The following LATS2 variants were observed in gnomAD, a reference collection of about 807,000 sequenced individuals.
The protein encoded by LATS2 is large tumor suppressor kinase 2, also known as serine/threonine-protein kinase LATS2.
In LATS2, 24 loss-of-function variants were observed where a neutral mutation model predicts 76.0. The ratio of observed to expected loss-of-function variants is 0.32; its 90% CI spans 0.23 to 0.44. The LOEUF is 0.44. LATS2 is among the 20% of genes least tolerant of loss of function. The pLI is 1.00. For missense variants in LATS2, 1,286 were observed against 1,481.2 expected (o/e 0.87, Z 2.16); for synonymous variants, 692 against 635.4 (o/e 1.09, Z -1.34).
At chr13:21,014,074 G>A (rs1230373392) in intron 2 of LATS2, among the ~76,000 whole-genome samples, 2 of 151,224 alleles carry the variant, frequency 1.3e-5, no homozygotes, top group Non-Finnish European at 3.0e-5. Flanking sequence ...GGGAAGGAAG[G>A]AAGGAGGAAA....
chr13:21,014,193 G>A lies in LATS2; in HGVS notation c.343-22789C>T, dbSNP rs555014005. 1.1e-3 allele frequency among the ~76,000 whole-genome samples: 172 copies of A among 152,232 alleles called. 1 individual carries two copies. Among genetic ancestry groups the A allele is most frequent in the African/African-American group, 2.0e-3 (83 of 41,546 alleles). ...GAGTCGGGGGCAGGGGGAAAGGCGCGCAGGTCACTCCCAGGTCACTCCAGA... is the reference window on the plus strand; with the variant it reads ...GAGTCGGGGGCAGGGGGAAAGGCGCACAGGTCACTCCCAGGTCACTCCAGA... On this transcript the variant is annotated intron_variant, in intron 2 of 7. Coordinates refer to ENST00000382592, the MANE Select transcript of LATS2 (RefSeq NM_014572.3).
chr13:20,996,057 A>G (rs2138306521), intron 2 of LATS2, among the ~76,000 whole-genome samples: 1 of 152,308 alleles, frequency 6.6e-6, no homozygotes, highest in African/African-American at 2.4e-5. Context: ...ATGCTAATCC[A>G]TTGAAGTTGG....
intron 1 of LATS2, among the ~76,000 whole-genome samples, chr13:21,048,642 G>A (rs1204233038): frequency 6.6e-6 from 1 of 152,006 alleles, no homozygotes; most frequent in East Asian, 1.9e-4. Flanking sequence ...GACCAGCCTG[G>A]CTAACATATA....
intron 2 of LATS2, among the ~76,000 whole-genome samples, chr13:21,034,849 T>G (rs1474511658): frequency 6.6e-6 from 1 of 152,160 alleles, no homozygotes; most frequent in East Asian, 1.9e-4. Context: ...AGGCATCCGC[T>G]AACAAATAAG....
At chr13:21,022,207 AGT>A (rs750808017) in intron 2 of LATS2, among the ~76,000 whole-genome samples, 45 of 151,852 alleles carry the variant, frequency 3.0e-4, no homozygotes, top group Non-Finnish European at 4.4e-4. Flanking sequence ...CAACTACGTA[AGT>A]GTGTGAATAT....
chr13:20,992,459 C>T (rs930888803), intron 2 of LATS2, among the ~76,000 whole-genome samples: 76 of 152,172 alleles, frequency 5.0e-4, no homozygotes, highest in Non-Finnish European at 7.9e-4. Context: ...CCCAGTGGCG[C>T]GGGGCGGTGA....
chr13:20,979,098 G>C (rs1480622955), intron 7 of LATS2, among the ~76,000 whole-genome samples: 2 of 152,170 alleles, frequency 1.3e-5, no homozygotes, highest in Non-Finnish European at 2.9e-5. Flanking sequence ...ACAGGCATGA[G>C]CCACTGCGCC....
intron 1 of LATS2, among the ~76,000 whole-genome samples, chr13:21,056,157 G>A (rs896474338): frequency 1.4e-4 from 21 of 152,068 alleles, no homozygotes; most frequent in Non-Finnish European, 2.9e-4. Context: ...GGTGGGGGGG[G>A]CAGGGTCTCA....
At chr13:21,007,284 G>A (rs1027500911) in intron 2 of LATS2, among the ~76,000 whole-genome samples, 1 of 150,960 alleles carries the variant, frequency 6.6e-6, no homozygotes, top group South Asian at 2.1e-4. Context: ...TTTAAAACTT[G>A]GCTGTTACCC....
chr13:21,050,126 A>AGACAGATAGATAGATAGATAGATC (rs1873217704), intron 1 of LATS2, among the ~76,000 whole-genome samples: 1 of 60,862 alleles, frequency 1.6e-5, no homozygotes, highest in African/African-American at 4.9e-5. Flanking sequence ...TCTCATAGAC[A>AGACAGATAGATAGATAGATAGATC]GATAGATAGA....
intron 1 of LATS2, among the ~76,000 whole-genome samples, chr13:21,058,139 C>G (rs2138421443): frequency 6.6e-6 from 1 of 152,328 alleles, no homozygotes; most frequent in Middle Eastern, 3.4e-3. Context: ...TTCTGATCAT[C>G]AGAATATTTC....
intron 2 of LATS2, among the ~76,000 whole-genome samples, chr13:21,019,289 C>T (rs1221517143): frequency 7.4e-6 from 1 of 134,804 alleles, no homozygotes; most frequent in Non-Finnish European, 1.6e-5. Context: ...TGTATTCTCA[C>T]TTGGATTTGT....
At chr13:21,048,137 C>G (rs530414924) in intron 1 of LATS2, among the ~76,000 whole-genome samples, 11 of 152,320 alleles carry the variant, frequency 7.2e-5, no homozygotes, top group East Asian at 5.8e-4. Context: ...TGCAGCCACA[C>G]TCATTTCAGT....
intron 2 of LATS2, among the ~76,000 whole-genome samples, chr13:20,994,122 T>C (rs1252050068): frequency 3.9e-5 from 6 of 152,218 alleles, no homozygotes; most frequent in African/African-American, 2.4e-5. Flanking sequence ...AAGATGTGTA[T>C]GTTTATTGTG....
intron 2 of LATS2, among the ~76,000 whole-genome samples, chr13:21,019,208 G>T (rs1044128139): frequency 1.3e-5 from 2 of 152,062 alleles, no homozygotes; most frequent in African/African-American, 4.8e-5. Flanking sequence ...CCCAGTAAAT[G>T]TTAGCTATTA....
In LATS2 at chr13:20,988,207, G is replaced by A. The variant is rs147172274; in HGVS notation, c.1573C>T (p.Arg525Cys). Residue 525 changes from arginine (R) to cysteine (C), a missense_variant, in exon 4 of 8, where the codon CGC becomes TGC. Coordinates refer to ENST00000382592, the MANE Select transcript of LATS2 (RefSeq NM_014572.3). The part of the protein sequence containing the change: ...PPPYPKHLLL[R>C]SKSEQYDLDS... ...AGGTCGTACTGCTCCGACTTGCTGC[G>A]CAGCAGCAGGTGCTTCGGGTAGGGC... 15 of 1,610,888 alleles carry A rather than the reference G, an allele frequency of 9.3e-6. No individual in the cohort carries two copies. The highest frequency in any genetic ancestry group is 3.3e-5 in the South Asian group (3 of 90,996).
chr13:20,985,190 A>G (rs750320471), intron 4 of LATS2, among the ~76,000 whole-genome samples: 1 of 152,244 alleles, frequency 6.6e-6, no homozygotes, highest in Non-Finnish European at 1.5e-5. Context: ...AATATACTCC[A>G]GGACATTGGT....
At chr13:21,038,886 T>C (rs1872771558) in intron 2 of LATS2, among the ~76,000 whole-genome samples, 1 of 152,100 alleles carries the variant, frequency 6.6e-6, no homozygotes, top group Non-Finnish European at 1.5e-5. Context: ...GGCTGAGGCA[T>C]GGCGCATTGC....
chr13:21,041,118 G>A (rs572037144), intron 2 of LATS2, among the ~76,000 whole-genome samples: 9 of 152,080 alleles, frequency 5.9e-5, no homozygotes, highest in Middle Eastern at 6.8e-3. Flanking sequence ...GACTACAGGC[G>A]CCCGCCACCA....
Sources: allele counts gnomAD v4.1 joint callset (sites outside exome capture counted in the v4.1 genomes callset), GRCh38; gene constraint gnomAD v4.1.1; transcripts MANE v1.5; gene names NCBI Gene and HGNC (gene_info 2026-07-23, HGNC 2026-07-21).